The following ALKBH1 variants were observed in gnomAD, a reference collection of about 807,000 sequenced individuals.
The protein encoded by ALKBH1 is alkB homolog 1, histone H2A dioxygenase.
A neutral mutation model predicts 36.6 loss-of-function variants in ALKBH1; 31 were observed. The observed-to-expected ratio is 0.85, with a 90% CI of 0.64 to 1.14. The LOEUF (loss-of-function observed/expected upper bound fraction) is 1.14, where lower values mean the gene tolerates loss of function less well. ALKBH1 is among the 50% of genes most tolerant of loss of function. The pLI is 0.00. For missense variants in ALKBH1, 490 were observed against 497.3 expected, an observed-to-expected ratio of 0.99 and a Z score of 0.14; for synonymous variants, 183 against 186.6, an observed-to-expected ratio of 0.98 and a Z score of 0.16.
chr14:77,675,216 T>TG (rs1290406434), intron 5 of ALKBH1, among the ~76,000 whole-genome samples: 1 of 151,862 alleles, frequency 6.6e-6, no homozygotes, highest in Non-Finnish European at 1.5e-5. Context: ...GCGGATTGCC[T>TG]GAGCTCAGGA....
chr14:77,687,079 G>C (rs1490674364), intron 3 of ALKBH1, among the ~76,000 whole-genome samples: 1 of 152,178 alleles, frequency 6.6e-6, no homozygotes, highest in African/African-American at 2.4e-5. Context: ...ACCGTCTTCT[G>C]TTCTAAACCT....
intron 3 of ALKBH1, among the ~76,000 whole-genome samples, chr14:77,689,047 T>C (rs1242045722): frequency 1.3e-5 from 2 of 152,220 alleles, no homozygotes; most frequent in Non-Finnish European, 2.9e-5. Flanking sequence ...ATATTCTGGC[T>C]CTAACTAACC....
chr14:77,707,733 G>A lies in ALKBH1; in HGVS notation c.183+89C>T, dbSNP rs980600573. The stretch of plus-strand genomic sequence containing the variant: ...GAATCGTTCAATAACAATCGGTCTG[G>A]AGGTGAAAAGAGGCGAAGAAGACAC... On this transcript the variant is annotated intron_variant, in intron 1 of 5. Coordinates refer to ENST00000216489, the MANE Select transcript of ALKBH1 (RefSeq NM_006020.3). 2.4e-5 allele frequency: 34 copies of A among 1,443,758 alleles called. No homozygotes were observed. In the African/African-American group the frequency reaches 4.4e-4, roughly 19 times the overall value. 89.4% of individuals were successfully genotyped at this position (1,443,758 alleles called of 1,614,324 possible).
intron 3 of ALKBH1, chr14:77,691,997 T>C (rs2080299675): frequency 6.6e-6 from 1 of 152,154 alleles, no homozygotes; most frequent in Non-Finnish European, 1.5e-5. Flanking sequence ...AGACCAAGGT[T>C]TAAAAAAAAC....
intron 2 of ALKBH1, among the ~76,000 whole-genome samples, chr14:77,702,127 CA>C (rs2080362680): frequency 6.6e-6 from 1 of 151,998 alleles, no homozygotes; most frequent in South Asian, 2.1e-4. Context: ...GGTGAAACCC[CA>C]TCTCTACTAA....
intron 2 of ALKBH1, among the ~76,000 whole-genome samples, chr14:77,700,173 T>C (rs2080351880): frequency 6.6e-6 from 1 of 152,156 alleles, no homozygotes; most frequent in South Asian, 2.1e-4. Flanking sequence ...AAACCACATA[T>C]GGTTCAGCTG....
At chr14:77,706,479 C>G (rs1270939802) in intron 1 of ALKBH1, among the ~76,000 whole-genome samples, 5 of 152,182 alleles carry the variant, frequency 3.3e-5, no homozygotes, top group African/African-American at 2.4e-5. Flanking sequence ...CTGTTAACCA[C>G]CACTTTCCCC....
chr14:77,682,995 C>A (rs1382978537), intron 3 of ALKBH1, among the ~76,000 whole-genome samples: 1 of 152,020 alleles, frequency 6.6e-6, no homozygotes, highest in Non-Finnish European at 1.5e-5. Flanking sequence ...CTGCACCTGG[C>A]CTATTTTTAT....
intron 1 of ALKBH1, among the ~76,000 whole-genome samples, chr14:77,706,639 G>A (rs562630969): frequency 6.6e-6 from 1 of 152,124 alleles, no homozygotes; most frequent in African/African-American, 2.4e-5. Context: ...ACACATAATG[G>A]CTCATTCCCT....
intron 2 of ALKBH1, among the ~76,000 whole-genome samples, chr14:77,703,501 T>C (rs1431159809): frequency 6.6e-6 from 1 of 151,796 alleles, no homozygotes; most frequent in Non-Finnish European, 1.5e-5. Context: ...TTCACCTTGT[T>C]AGCCAGGATG....
In ALKBH1 at chr14:77,707,950, C is replaced by T. The variant is rs529612931; in HGVS notation, c.55G>A (p.Gly19Arg). 73 of 1,613,220 alleles carry T rather than the reference C, an allele frequency of 4.5e-5. No homozygotes were observed. The East Asian group carries it at 1.5e-3, about 33-fold the overall frequency. The change falls in exon 1 of 6, where the codon GGG becomes AGG. Residue 19 changes from glycine (G) to arginine (R), a missense_variant. Transcript: ENST00000216489. ...AAAAGTTTCCGAAAGGCGTCCTCCC[C>T]GGGCTCAGTCGCCAGAGTCGCCACA... ...GSVATLATEP[G>R]EDAFRKLFRF...
chr14:77,700,290 A>C (rs1465724954), intron 2 of ALKBH1, among the ~76,000 whole-genome samples: 1 of 152,182 alleles, frequency 6.6e-6, no homozygotes, highest in Non-Finnish European at 1.5e-5. Flanking sequence ...AGATTCTTGC[A>C]GATATAGAAA....
chr14:77,690,962 C>T (rs1044538378), intron 3 of ALKBH1, among the ~76,000 whole-genome samples: 13 of 152,090 alleles, frequency 8.5e-5, no homozygotes, highest in South Asian at 2.1e-4. Context: ...CCACCATGCC[C>T]GGCTAATTTT....
chr14:77,681,271 A>C (rs1021489360), intron 3 of ALKBH1, among the ~76,000 whole-genome samples: 4 of 152,212 alleles, frequency 2.6e-5, no homozygotes, highest in Admixed American at 6.5e-5. Context: ...TTTGAGGGGC[A>C]CGAGAATTAA....
chr14:77,704,001 CAATTATG>C (rs955569614), intron 2 of ALKBH1, among the ~76,000 whole-genome samples: 2 of 152,132 alleles, frequency 1.3e-5, no homozygotes, highest in Admixed American at 6.6e-5. Flanking sequence ...ACTAGAGGGA[CAATTATG>C]AATTATTCAT....
At chr14:77,693,224 A>AAAAAAC (rs369220185) in intron 3 of ALKBH1, among the ~76,000 whole-genome samples, 2 of 126,410 alleles carry the variant, frequency 1.6e-5, no homozygotes. Flanking sequence ...AAAAAAAAAA[A>AAAAAAC]TTTTTTTTCA....
At chr14:77,680,801 T>C (rs886145091) in intron 3 of ALKBH1, among the ~76,000 whole-genome samples, 2 of 151,024 alleles carry the variant, frequency 1.3e-5, no homozygotes, top group African/African-American at 2.4e-5. Flanking sequence ...TGCCTCAGCC[T>C]CCCAAGTAGC....
chr14:77,687,556 C>G (rs780239798), intron 3 of ALKBH1, among the ~76,000 whole-genome samples: 10 of 151,260 alleles, frequency 6.6e-5, no homozygotes. Flanking sequence ...TTGCCTTCCT[C>G]ACTCTCTCCC....
intron 3 of ALKBH1, among the ~76,000 whole-genome samples, chr14:77,688,274 A>G (rs2080279186): frequency 6.8e-6 from 1 of 147,636 alleles, no homozygotes; most frequent in African/African-American, 2.5e-5. Flanking sequence ...ACAGAGTCTC[A>G]ATTGCTCTGC....
Sources: gnomAD v4.1 joint callset for allele counts (sites outside exome capture counted in the v4.1 genomes callset) on GRCh38, gnomAD v4.1.1 for gene constraint, MANE v1.5 for transcripts, NCBI Gene and HGNC (gene_info 2026-07-23, HGNC 2026-07-21) for gene names.